Variants in DIP2B observed in about 807,000 individuals in gnomAD.
DIP2B encodes DIP2 acetate--CoA ligase B (putative).
DIP2B carries 76 observed loss-of-function variants against 198.0 expected under a neutral mutation model. The ratio of observed to expected loss-of-function variants is 0.38; its 90% confidence interval spans 0.32 to 0.46. The LOEUF (loss-of-function observed/expected upper bound fraction) is 0.46, where lower values mean the gene tolerates loss of function less well. DIP2B is among the 20% of genes least tolerant of loss of function. The pLI is 0.99. For synonymous variants in DIP2B, 701 were observed against 739.1 expected, an observed-to-expected ratio of 0.95 and a Z score of 0.84; for missense variants, 1,559 against 1,978.4, an observed-to-expected ratio of 0.79 and a Z score of 4.02.
intron 4 of DIP2B, among the ~76,000 whole-genome samples, chr12:50,662,760 AC>A (rs749247582): frequency 3.3e-5 from 5 of 152,146 alleles, no homozygotes; most frequent in Non-Finnish European, 7.4e-5. Flanking sequence ...AAGAAAACTT[AC>A]ATTAATCATT....
At chr12:50,698,199 C>A in intron 17 of DIP2B, 129 bp from the exon 18 acceptor site, 1 of 1,171,756 alleles carries the variant, frequency 8.5e-7, no homozygotes, top group Non-Finnish European at 1.2e-6. Context: ...TCTAATTTGG[C>A]ATATTTTTGG....
chr12:50,525,853 G>A (rs1461288110), intron 1 of DIP2B, among the ~76,000 whole-genome samples: 4 of 152,020 alleles, frequency 2.6e-5, no homozygotes, highest in Admixed American at 1.3e-4. Context: ...TTCCTAGAAT[G>A]TTCTGCTCCA....
intron 3 of DIP2B, among the ~76,000 whole-genome samples, chr12:50,654,299 G>A (rs1449464663): frequency 6.6e-6 from 1 of 151,148 alleles, no homozygotes; most frequent in Non-Finnish European, 1.5e-5. Flanking sequence ...TTTAAAAAAA[G>A]CCATAAACAA....
intron 19 of DIP2B, among the ~76,000 whole-genome samples, chr12:50,702,795 G>C (rs1186991553): frequency 7.1e-6 from 1 of 141,652 alleles, no homozygotes; most frequent in Non-Finnish European, 1.5e-5. Context: ...AGAAAAAATA[G>C]GTAAGAGACA....
intron 4 of DIP2B, 151 bp downstream of exon 4, chr12:50,660,470 T>A (rs1398770610): frequency 6.2e-6 from 5 of 806,138 alleles, no homozygotes; most frequent in Non-Finnish European, 8.8e-6. Context: ...AGATTTTGCT[T>A]GTCATCTCGT....
intron 1 of DIP2B, among the ~76,000 whole-genome samples, chr12:50,612,720 C>T (rs148269683): frequency 1.1e-4 from 16 of 152,350 alleles, no homozygotes; most frequent in African/African-American, 3.8e-4. Context: ...TGAGCCACCA[C>T]ACCCAGCCTT....
chr12:50,616,631 G>T (rs766722693), intron 1 of DIP2B, among the ~76,000 whole-genome samples: 6 of 152,170 alleles, frequency 3.9e-5, no homozygotes, highest in Middle Eastern at 3.2e-3. Flanking sequence ...AACAGCAAGA[G>T]AAATAGGGGA....
intron 10 of DIP2B, among the ~76,000 whole-genome samples, chr12:50,683,656 G>A (rs996130632): frequency 2.0e-5 from 3 of 152,004 alleles, no homozygotes; most frequent in African/African-American, 7.2e-5. Flanking sequence ...GGTGGCGGGC[G>A]CCTGTGGTCC....
rs1360741046 is a variant in DIP2B at position 50,744,886 on chromosome 12, A to AC, written c.*48dup. 1.3e-6 allele frequency: 2 copies of AC among 1,599,350 alleles called. No homozygotes were observed. ...TGGGCCATTCTGAAGAATCACAAAG[A>AC]CAGAAGACCTCTGGCTAAGAGCAGG... On this transcript the variant is annotated 3_prime_UTR_variant, in exon 38 of 38. Coordinates refer to ENST00000301180, the MANE Select transcript of DIP2B (RefSeq NM_173602.3).
At chr12:50,647,966 C>G (rs1415209317) in intron 3 of DIP2B, among the ~76,000 whole-genome samples, 1 of 152,052 alleles carries the variant, frequency 6.6e-6, no homozygotes, top group African/African-American at 2.4e-5. Context: ...ATTAGCCAGG[C>G]GTGGTGGCGT....
In DIP2B at chr12:50,746,476, C is replaced by T. The variant is rs1940342298; in HGVS notation, c.*1637C>T. 1 of 152,296 alleles carries T rather than the reference C, an allele frequency of 6.6e-6. No homozygotes were observed. The highest frequency in any genetic ancestry group is 2.4e-5 in the African/African-American group (1 of 41,556). 9.4% of individuals were successfully genotyped at this position (152,296 alleles called of 1,614,324 possible). A position where few individuals can be genotyped will look rare whatever the true frequency, so the allele number is the denominator to read the frequency against. ...GCAAAGACCAGCTCCTTTGCGGTGG[C>T]AGTGCTCTAGGGCTGCCATTACACG... On this transcript the variant is annotated 3_prime_UTR_variant, in exon 38 of 38. Coordinates refer to ENST00000301180, the MANE Select transcript of DIP2B (RefSeq NM_173602.3).
chr12:50,696,148 TTTCATC>T (rs1176597764), intron 16 of DIP2B, among the ~76,000 whole-genome samples, 181 bp downstream of exon 16: 2 of 152,206 alleles, frequency 1.3e-5, no homozygotes, highest in African/African-American at 4.8e-5. Flanking sequence ...TTTAGAACAT[TTTCATC>T]ACCCAAAAAG....
chr12:50,706,620 C>A lies in DIP2B; in HGVS notation c.2489C>A (p.Ala830Asp), dbSNP rs773114588. 6.2e-7 allele frequency: 1 copy of A among 1,613,996 alleles called. No individual in the cohort carries two copies. Among genetic ancestry groups the A allele is most frequent in the South Asian group, 1.1e-5 (1 of 91,070 alleles). ...AGACATAATGCTGATGACATTGTTG[C>A]TACTGGATTGGCTGTAGAATCAATA... ...GRRHNADDIV[A>D]TGLAVESIKT... is the part of the protein sequence containing the mutation. Residue 830 changes from alanine to aspartate, a missense_variant, in exon 21 of 38, where the codon GCT becomes GAT. Physicochemically the swap from Ala to Asp is moderately radical, Grantham distance 126. Transcript: ENST00000301180.
At chr12:50,652,879 A>G (rs765965447) in intron 3 of DIP2B, among the ~76,000 whole-genome samples, 6 of 151,496 alleles carry the variant, frequency 4.0e-5, no homozygotes, top group Non-Finnish European at 7.4e-5. Context: ...TGATGTTATT[A>G]TAAATGGCAT....
rs1415625812 is a variant in DIP2B, at chr12:50,532,796, C to T, written c.100+27556C>T. On this transcript the variant is annotated intron_variant, in intron 1 of 37. Transcript: ENST00000301180. ...CCCCTTTCCTCTAGAAGGAGCAGGG[C>T]GCTGTCCTTGGGCTCTCAGGGAAGT... is the stretch of plus-strand genomic sequence containing the variant. 3.9e-5 allele frequency among the ~76,000 whole-genome samples: 6 copies of T among 152,228 alleles called. No individual in the cohort carries two copies. In the East Asian group the frequency reaches 9.7e-4, roughly 25 times the overall value.
At chr12:50,590,048 T>C (rs1366566811) in intron 1 of DIP2B, among the ~76,000 whole-genome samples, 3 of 152,054 alleles carry the variant, frequency 2.0e-5, no homozygotes, top group African/African-American at 7.2e-5. Flanking sequence ...CAGGCTGGAG[T>C]GCAGTGACGC....
intron 1 of DIP2B, among the ~76,000 whole-genome samples, chr12:50,514,776 G>C (rs1393991232): frequency 2.6e-5 from 4 of 152,030 alleles, no homozygotes; most frequent in Non-Finnish European, 5.9e-5. Context: ...TCCCACCTCA[G>C]CCTCTCAAGT....
At chr12:50,553,670 C>G (rs957814709) in intron 1 of DIP2B, among the ~76,000 whole-genome samples, 8 of 152,092 alleles carry the variant, frequency 5.3e-5, no homozygotes, top group Non-Finnish European at 1.0e-4. Context: ...TTGTTTCGTT[C>G]TGAGACAGGT....
intron 31 of DIP2B, among the ~76,000 whole-genome samples, chr12:50,732,089 G>A (rs987242354): frequency 6.6e-6 from 1 of 152,216 alleles, no homozygotes; most frequent in Non-Finnish European, 1.5e-5. Flanking sequence ...CTAAGGTACA[G>A]AAATGAGGAG....
Sources: gnomAD v4.1 joint callset for allele counts (sites outside exome capture counted in the v4.1 genomes callset) on GRCh38, gnomAD v4.1.1 for gene constraint, MANE v1.5 for transcripts, NCBI Gene and HGNC (gene_info 2026-07-23, HGNC 2026-07-21) for gene names.